The following NR1H4 variants were observed in gnomAD, a reference collection of about 807,000 sequenced individuals.
NR1H4 encodes the protein nuclear receptor subfamily 1 group H member 4, also known as bile acid receptor.
A neutral mutation model predicts 58.5 loss-of-function variants in NR1H4; 23 were observed. The observed-to-expected ratio is 0.39, with a 90% confidence interval of 0.28 to 0.56. The LOEUF (loss-of-function observed/expected upper bound fraction) is 0.56. Among genes scored for constraint, NR1H4 ranks in the 20% least tolerant of loss-of-function variants. The probability of loss-of-function intolerance (pLI) is 0.58; values close to 1 mark genes in which losing one functional copy is unlikely to be tolerated. For synonymous variants in NR1H4, 214 were observed against 198.0 expected (o/e 1.08, Z -0.68); for missense variants, 487 against 576.9 (o/e 0.84, Z 1.60).
chr12:100,491,648 A>G (rs1953608856), intron 1 of NR1H4, among the ~76,000 whole-genome samples: 1 of 151,692 alleles, frequency 6.6e-6, no homozygotes, highest in African/African-American at 2.4e-5. Context: ...AGCCGCTTAT[A>G]TTAATGGATA....
intron 9 of NR1H4, among the ~76,000 whole-genome samples, chr12:100,553,588 G>A (rs1462216037): frequency 1.3e-5 from 2 of 152,142 alleles, no homozygotes; most frequent in Non-Finnish European, 2.9e-5. Flanking sequence ...TTGGCCGATA[G>A]CTACAGAAAA....
At chr12:100,487,734 C>G (rs1953524698) in intron 1 of NR1H4, among the ~76,000 whole-genome samples, 1 of 151,630 alleles carries the variant, frequency 6.6e-6, no homozygotes, top group Admixed American at 6.6e-5. Context: ...GCCTCAGCCT[C>G]CTGAGTAGCT....
chr12:100,523,214 C>G (rs1373135490), intron 4 of NR1H4, among the ~76,000 whole-genome samples: 1 of 152,158 alleles, frequency 6.6e-6, no homozygotes, highest in Non-Finnish European at 1.5e-5. Context: ...ACACCAAAAT[C>G]TATTATTTTT....
At chr12:100,537,522 AATACACATAC>A (rs1389247179) in intron 8 of NR1H4, among the ~76,000 whole-genome samples, 7 of 152,212 alleles carry the variant, frequency 4.6e-5, no homozygotes, top group African/African-American at 1.4e-4. Flanking sequence ...AATAATGATA[AATACACATAC>A]ATACACATAC....
chr12:100,540,606 G>T, intron 8 of NR1H4, 66 bp from the exon 9 acceptor site: 1 of 1,525,900 alleles, frequency 6.6e-7, no homozygotes, highest in South Asian at 1.1e-5. Flanking sequence ...TTTTATCAAT[G>T]GCAATGATGG....
At chr12:100,509,616 T>A (rs557353034) in intron 3 of NR1H4, among the ~76,000 whole-genome samples, 40 of 152,358 alleles carry the variant, frequency 2.6e-4, no homozygotes, top group African/African-American at 9.1e-4. Flanking sequence ...AGAAGAAGAC[T>A]GCAACTTAAA....
chr12:100,533,922 C>T (rs1027871029), intron 5 of NR1H4, among the ~76,000 whole-genome samples: 1 of 148,688 alleles, frequency 6.7e-6, no homozygotes, highest in African/African-American at 2.5e-5. Context: ...CGGAGTCTCG[C>T]TCTGTCGCCC....
intron 9 of NR1H4, among the ~76,000 whole-genome samples, chr12:100,553,298 G>A (rs1259656393): frequency 2.6e-5 from 4 of 152,060 alleles, no homozygotes; most frequent in South Asian, 2.1e-4. Context: ...GCGCCCGGCC[G>A]ATTCCCACTC....
In NR1H4 at chr12:100,493,310, A is replaced by G; in HGVS notation, c.-14A>G. On this transcript the variant is annotated 5_prime_UTR_variant, in exon 3 of 11. Transcript: ENST00000392986. ...ACCACCATAAAGAAAGTGCATTTCA[A>G]TTGAAAAATTTGGATGGGATCAAAA... 1 of 1,403,036 alleles carries G rather than the reference A, an allele frequency of 7.1e-7. No individual in the cohort carries two copies. Among genetic ancestry groups the G allele is most frequent in the Non-Finnish European group, 1.0e-6 (1 of 995,492 alleles). 86.9% of individuals were successfully genotyped at this position (1,403,036 alleles called of 1,614,324 possible).
At chr12:100,560,365 C>T (rs1017680425) in intron 9 of NR1H4, among the ~76,000 whole-genome samples, 3 of 151,330 alleles carry the variant, frequency 2.0e-5, no homozygotes, top group Non-Finnish European at 4.4e-5. Context: ...TGCTACTGCT[C>T]ACTCTTTGGG....
At chr12:100,488,028 A>G (rs902114307) in intron 1 of NR1H4, among the ~76,000 whole-genome samples, 2 of 151,742 alleles carry the variant, frequency 1.3e-5, no homozygotes, top group African/African-American at 4.9e-5. Flanking sequence ...TTTGAGATGG[A>G]ATCTCACTCT....
chr12:100,534,556 C>G (rs973389671), intron 5 of NR1H4, among the ~76,000 whole-genome samples: 4 of 152,150 alleles, frequency 2.6e-5, no homozygotes, highest in African/African-American at 7.2e-5. Flanking sequence ...ACAATGCTTT[C>G]ATATCACAAG....
chr12:100,547,003 C>T (rs1955086267), intron 9 of NR1H4, among the ~76,000 whole-genome samples: 1 of 152,138 alleles, frequency 6.6e-6, no homozygotes, highest in Non-Finnish European at 1.5e-5. Flanking sequence ...TGATCAAACA[C>T]TTCAGGTGGA....
chr12:100,554,802 T>G (rs1163449344), intron 9 of NR1H4, among the ~76,000 whole-genome samples: 2 of 152,188 alleles, frequency 1.3e-5, no homozygotes, highest in Non-Finnish European at 2.9e-5. Flanking sequence ...GAAAAGGCTG[T>G]CCCCTTCAGG....
intron 9 of NR1H4, among the ~76,000 whole-genome samples, chr12:100,543,978 T>C (rs983896793): frequency 7.9e-5 from 12 of 151,968 alleles, no homozygotes; most frequent in Admixed American, 3.9e-4. Context: ...GTTGGCCGGG[T>C]GCGGTGGCTC....
At chr12:100,556,360 G>A (rs527669941) in intron 9 of NR1H4, among the ~76,000 whole-genome samples, 12 of 151,558 alleles carry the variant, frequency 7.9e-5, no homozygotes, top group Non-Finnish European at 1.3e-4. Flanking sequence ...CCAGCTACTC[G>A]GGAGACTGAG....
At chr12:100,532,015 A>G (rs866704820) in intron 4 of NR1H4, among the ~76,000 whole-genome samples, 1 of 152,080 alleles carries the variant, frequency 6.6e-6, no homozygotes, top group Non-Finnish European at 1.5e-5. Flanking sequence ...GCTCTGCCGC[A>G]GTGCAGCTTT....
At chr12:100,522,881 T>C (rs1050639217) in intron 4 of NR1H4, among the ~76,000 whole-genome samples, 1 of 152,194 alleles carries the variant, frequency 6.6e-6, no homozygotes, top group African/African-American at 2.4e-5. Flanking sequence ...GCAAAAGACA[T>C]TATTTCATTC....
intron 7 of NR1H4, 94 bp downstream of exon 7, chr12:100,536,704 C>G: frequency 3.9e-6 from 3 of 770,282 alleles, no homozygotes; most frequent in Non-Finnish European, 6.7e-6. Context: ...GAATATGTTA[C>G]TTTGAAATGA....
Sources: allele counts gnomAD v4.1 joint callset (sites outside exome capture counted in the v4.1 genomes callset), GRCh38; gene constraint gnomAD v4.1.1; transcripts MANE v1.5; gene names NCBI Gene and HGNC (gene_info 2026-07-23, HGNC 2026-07-21).